Variants in GPD1L observed in about 807,000 individuals in gnomAD.
GPD1L encodes the protein glycerol-3-phosphate dehydrogenase 1-like protein.
GPD1L carries 17 observed loss-of-function variants against 32.9 expected under a neutral mutation model. The observed-to-expected ratio is 0.52, with a 90% CI of 0.35 to 0.78. The LOEUF (loss-of-function observed/expected upper bound fraction) is 0.78. GPD1L is among the 30% of genes least tolerant of loss of function. The pLI is 0.01. For missense variants in GPD1L, 361 were observed against 447.8 expected (o/e 0.81, Z 1.75); for synonymous variants, 187 against 165.9 (o/e 1.13, Z -0.98).
At chr3:32,118,395 T>C (rs969831031) in intron 1 of GPD1L, among the ~76,000 whole-genome samples, 14 of 152,136 alleles carry the variant, frequency 9.2e-5, no homozygotes, top group African/African-American at 3.4e-4. Flanking sequence ...GGGATTGTGT[T>C]ACAGAGCAGA....
chr3:32,117,527 C>T (rs1481543337), intron 1 of GPD1L, among the ~76,000 whole-genome samples: 27 of 152,098 alleles, frequency 1.8e-4, no homozygotes. Context: ...AAATGGTTTT[C>T]AGTAATTCTC....
chr3:32,162,986 T>TG (rs1701091845), intron 7 of GPD1L, among the ~76,000 whole-genome samples: 1 of 151,164 alleles, frequency 6.6e-6, no homozygotes, highest in Non-Finnish European at 1.5e-5. Context: ...CTCGAACTCC[T>TG]GGCCTCAAGC....
intron 1 of GPD1L, among the ~76,000 whole-genome samples, chr3:32,127,758 G>C (rs575604073): frequency 6.6e-6 from 1 of 152,164 alleles, no homozygotes; most frequent in African/African-American, 2.4e-5. Context: ...GACCTTCTAG[G>C]GTCATTTTCA....
intron 1 of GPD1L, among the ~76,000 whole-genome samples, chr3:32,124,501 A>G (rs987989506): frequency 2.6e-5 from 4 of 152,248 alleles, no homozygotes; most frequent in African/African-American, 9.6e-5. Flanking sequence ...TGGTCAGAAG[A>G]GGTAACACTT....
chr3:32,124,874 G>C (rs1700484685), intron 1 of GPD1L, among the ~76,000 whole-genome samples: 1 of 152,064 alleles, frequency 6.6e-6, no homozygotes, highest in Non-Finnish European at 1.5e-5. Context: ...AGTGAGCCAT[G>C]ATTGCACCAC....
At chr3:32,116,837 T>A (rs1383553431) in intron 1 of GPD1L, among the ~76,000 whole-genome samples, 1 of 152,174 alleles carries the variant, frequency 6.6e-6, no homozygotes, top group African/African-American at 2.4e-5. Context: ...AAGCACTTTA[T>A]GTGTTATCTG....
In GPD1L at chr3:32,110,110, A is replaced by G. The variant is rs1203968088; in HGVS notation, c.47+3352A>G. 9.9e-5 allele frequency among the ~76,000 whole-genome samples: 15 copies of G among 152,244 alleles called. No individual in the cohort carries two copies. In the East Asian group the frequency reaches 2.9e-3, roughly 29 times the overall value. On this transcript the variant is annotated intron_variant, in intron 1 of 7. Coordinates refer to ENST00000282541, the MANE Select transcript of GPD1L (RefSeq NM_015141.4). ...TTTTTTGTGTTTTTTAGTAGAGACG[A>G]GGTTTCACTGTGTTAGCTAGGATGG...
chr3:32,140,507 G>T, intron 4 of GPD1L, 141 bp downstream of exon 4: 1 of 958,550 alleles, frequency 1.0e-6, no homozygotes, highest in East Asian at 2.6e-5. Context: ...GTGGGGCGAG[G>T]GTTTTACTTA....
chr3:32,157,813 C>T (rs1251085215), intron 5 of GPD1L, among the ~76,000 whole-genome samples: 1 of 152,142 alleles, frequency 6.6e-6, no homozygotes, highest in Non-Finnish European at 1.5e-5. Flanking sequence ...ACATTATTTA[C>T]AAAACAGGCA....
chr3:32,143,748 C>T (rs1405340347), intron 4 of GPD1L, among the ~76,000 whole-genome samples: 5 of 151,882 alleles, frequency 3.3e-5, no homozygotes, highest in African/African-American at 4.8e-5. Context: ...GAGGCTGAGG[C>T]GGGCGGATCA....
At chr3:32,147,249 C>T (rs1700844106) in intron 5 of GPD1L, among the ~76,000 whole-genome samples, 2 of 152,190 alleles carry the variant, frequency 1.3e-5, no homozygotes, top group South Asian at 4.1e-4. Flanking sequence ...ATGCACTCCA[C>T]TGGCCAGTGG....
chr3:32,145,483 A>G (rs1700806432), intron 4 of GPD1L, among the ~76,000 whole-genome samples: 1 of 152,192 alleles, frequency 6.6e-6, no homozygotes, highest in African/African-American at 2.4e-5. Context: ...CCTTGTATCT[A>G]TGGCAAGCCA....
chr3:32,154,159 G>A (rs1372392777), intron 5 of GPD1L, among the ~76,000 whole-genome samples: 2 of 152,060 alleles, frequency 1.3e-5, no homozygotes, highest in Non-Finnish European at 2.9e-5. Context: ...GTCATAAGGC[G>A]ACTAAACTGG....
intron 1 of GPD1L, among the ~76,000 whole-genome samples, chr3:32,111,036 T>C (rs924067580): frequency 6.6e-6 from 1 of 152,196 alleles, no homozygotes; most frequent in East Asian, 1.9e-4. Context: ...CGGCTAAGTT[T>C]TATATTTTTA....
Position 32,146,625 on chromosome 3 carries a change from G to A in GPD1L, c.509G>A (p.Ser170Asn). ...TTGTTGTCTAACCTTTCAACAGGCA[G>A]CAAAGTAATGGAGAACGGCCTTCTC... Reference protein sequence around the residue: ...AEKFCETTIGSKVMENGLLFK... With the variant: ...AEKFCETTIGNKVMENGLLFK... Residue 170 changes from serine to asparagine, a missense_variant, in exon 5 of 8, where the codon AGC (serine) becomes AAC (asparagine). Transcript: ENST00000282541. 1 of 1,596,390 alleles carries A rather than the reference G, an allele frequency of 6.3e-7. No individual in the cohort carries two copies. The highest frequency in any genetic ancestry group is 8.6e-7 in the Non-Finnish European group (1 of 1,163,848).
intron 2 of GPD1L, among the ~76,000 whole-genome samples, chr3:32,132,334 G>A (rs1377736514): frequency 6.6e-6 from 1 of 152,170 alleles, no homozygotes; most frequent in East Asian, 1.9e-4. Flanking sequence ...TAAATGCCAA[G>A]GATAGTGGAA....
intron 1 of GPD1L, among the ~76,000 whole-genome samples, chr3:32,114,533 G>A (rs952859587): frequency 6.6e-6 from 1 of 152,202 alleles, no homozygotes; most frequent in Non-Finnish European, 1.5e-5. Context: ...GTTACTATGG[G>A]TGATTAACTG....
chr3:32,160,431 G>A (rs1365711752), intron 7 of GPD1L, among the ~76,000 whole-genome samples: 1 of 59,490 alleles, frequency 1.7e-5, no homozygotes, highest in Non-Finnish European at 2.8e-5. Context: ...GGTGGGATGG[G>A]TGAATGGATG....
intron 5 of GPD1L, among the ~76,000 whole-genome samples, chr3:32,148,347 G>C (rs1287432282): frequency 6.6e-6 from 1 of 152,122 alleles, no homozygotes; most frequent in South Asian, 2.1e-4. Flanking sequence ...ACTTAGAATG[G>C]CTTTCATTTT....
Sources: allele counts gnomAD v4.1 joint callset (sites outside exome capture counted in the v4.1 genomes callset), GRCh38; gene constraint gnomAD v4.1.1; transcripts MANE v1.5; gene names NCBI Gene and HGNC (gene_info 2026-07-23, HGNC 2026-07-21).